Variants in ADAMTS3 observed in about 807,000 individuals in gnomAD.
The protein encoded by ADAMTS3 is A disintegrin and metalloproteinase with thrombospondin motifs 3.
A neutral mutation model predicts 129.0 loss-of-function variants in ADAMTS3; 73 were observed. The observed-to-expected ratio is 0.57, with a 90% CI of 0.47 to 0.69. The LOEUF (loss-of-function observed/expected upper bound fraction) is 0.69. Among genes scored for constraint, ADAMTS3 ranks in the 30% least tolerant of loss-of-function variants. The pLI is 0.00. For missense variants in ADAMTS3, 1,457 were observed against 1,514.5 expected (o/e 0.96, Z 0.63); for synonymous variants, 477 against 510.8 (o/e 0.93, Z 0.89).
intron 3 of ADAMTS3, among the ~76,000 whole-genome samples, chr4:72,454,433 C>A (rs1296175392): frequency 6.6e-6 from 1 of 151,644 alleles, no homozygotes; most frequent in African/African-American, 2.4e-5. Flanking sequence ...GTGTAAACTG[C>A]TGAAAAGTGG....
chr4:72,504,700 C>G (rs1403440255), intron 3 of ADAMTS3, among the ~76,000 whole-genome samples: 3 of 152,078 alleles, frequency 2.0e-5, no homozygotes, highest in Non-Finnish European at 2.9e-5. Context: ...CTCAGAAACA[C>G]CAATAATTTG....
At chr4:72,477,711 T>TA (rs1217780164) in intron 3 of ADAMTS3, among the ~76,000 whole-genome samples, 1 of 151,268 alleles carries the variant, frequency 6.6e-6, no homozygotes, top group East Asian at 1.9e-4. Context: ...CTGAAGGAAA[T>TA]AGAGACACAA....
intron 3 of ADAMTS3, among the ~76,000 whole-genome samples, chr4:72,535,578 G>T (rs1487851567): frequency 6.6e-6 from 1 of 152,044 alleles, no homozygotes; most frequent in African/African-American, 2.4e-5. Flanking sequence ...GAACCCCAAA[G>T]ACCTACTTTG....
chr4:72,457,291 T>G (rs988994070), intron 3 of ADAMTS3, among the ~76,000 whole-genome samples: 3 of 151,716 alleles, frequency 2.0e-5, no homozygotes, highest in African/African-American at 7.2e-5. Context: ...ATTTATGGGT[T>G]GAAAACCATT....
intron 4 of ADAMTS3, among the ~76,000 whole-genome samples, chr4:72,362,088 C>T (rs1720743221): frequency 6.6e-6 from 1 of 151,976 alleles, no homozygotes; most frequent in Non-Finnish European, 1.5e-5. Flanking sequence ...GTCAGTTACC[C>T]AGGCCCATGA....
chr4:72,371,947 G>A (rs1312978903), intron 4 of ADAMTS3, among the ~76,000 whole-genome samples: 1 of 151,680 alleles, frequency 6.6e-6, no homozygotes, highest in African/African-American at 2.4e-5. Flanking sequence ...CAACATGATG[G>A]AATTAACAAG....
intron 3 of ADAMTS3, among the ~76,000 whole-genome samples, chr4:72,444,032 G>A (rs1323560046): frequency 6.6e-6 from 1 of 151,654 alleles, no homozygotes; most frequent in East Asian, 2.0e-4. Context: ...TATGCTGCAG[G>A]GAACTTAAAA....
chr4:72,402,437 T>A (rs980137323), intron 4 of ADAMTS3, among the ~76,000 whole-genome samples: 1 of 152,174 alleles, frequency 6.6e-6, no homozygotes, highest in Non-Finnish European at 1.5e-5. Flanking sequence ...ACCATAGGTG[T>A]TCATCTAAAA....
At chr4:72,293,655 C>T (rs1032585465) in intron 19 of ADAMTS3, among the ~76,000 whole-genome samples, 11 of 152,008 alleles carry the variant, frequency 7.2e-5, no homozygotes, top group Non-Finnish European at 1.6e-4. Flanking sequence ...GTTGAGCCCA[C>T]GAGCCACGAC....
At chr4:72,411,796 G>A (rs929013038) in intron 4 of ADAMTS3, among the ~76,000 whole-genome samples, 3 of 151,946 alleles carry the variant, frequency 2.0e-5, no homozygotes, top group Non-Finnish European at 2.9e-5. Flanking sequence ...GAATTCTCTA[G>A]TCTTCTAGAT....
rs1474349876 is a variant in ADAMTS3, at chr4:72,456,075, T to C, written c.505-41104A>G. Among the ~76,000 whole-genome samples the C allele has an allele frequency of 8.8e-4, 44 of 49,796 alleles. 5 individuals are homozygous for C. The highest frequency in any genetic ancestry group is 3.1e-3 in the African/African-American group (42 of 13,662). 32.7% of individuals were successfully genotyped at this position (49,796 alleles called of 152,430 possible). ...ATATATATATTTTACATATAGTATATATACTATATATATTTTATATATATA... is the reference window on the plus strand; with the variant it reads ...ATATATATATTTTACATATAGTATACATACTATATATATTTTATATATATA... On this transcript the variant is annotated intron_variant, in intron 3 of 21. Transcript: ENST00000286657.
intron 3 of ADAMTS3, among the ~76,000 whole-genome samples, chr4:72,443,492 T>G (rs1031771912): frequency 9.9e-5 from 15 of 151,732 alleles, no homozygotes; most frequent in African/African-American, 3.4e-4. Flanking sequence ...CTGTATCTTA[T>G]TCAGCACATT....
intron 4 of ADAMTS3, among the ~76,000 whole-genome samples, chr4:72,356,819 C>T: frequency 6.6e-6 from 1 of 151,732 alleles, no homozygotes; most frequent in African/African-American, 2.4e-5. Flanking sequence ...TAGACCTCTA[C>T]ACTGAAAACT....
At chr4:72,425,860 G>T (rs1394938424) in intron 3 of ADAMTS3, among the ~76,000 whole-genome samples, 2 of 151,646 alleles carry the variant, frequency 1.3e-5, no homozygotes, top group African/African-American at 4.8e-5. Context: ...GTAATGGGAT[G>T]GCTGGGTCAA....
intron 4 of ADAMTS3, among the ~76,000 whole-genome samples, chr4:72,371,710 G>A (rs962255910): frequency 2.5e-4 from 38 of 151,862 alleles, no homozygotes; most frequent in African/African-American, 8.7e-4. Context: ...TCAGCACAAC[G>A]AACACTAAAG....
At chr4:72,507,863 C>A (rs911340952) in intron 3 of ADAMTS3, among the ~76,000 whole-genome samples, 2 of 152,144 alleles carry the variant, frequency 1.3e-5, no homozygotes, top group Non-Finnish European at 2.9e-5. Flanking sequence ...TATGAATATC[C>A]AGTACACAGT....
intron 4 of ADAMTS3, among the ~76,000 whole-genome samples, chr4:72,401,566 C>CAAA (rs374322807): frequency 0.017 from 621 of 36,954 alleles, 47 homozygotes; most frequent in African/African-American, 0.019. Flanking sequence ...TACTCTGTCT[C>CAAA]AAAAAAAAAA....
chr4:72,548,415 GCA>G, intron 3 of ADAMTS3, 61 bp downstream of exon 3: 2 of 1,536,644 alleles, frequency 1.3e-6, no homozygotes, highest in Non-Finnish European at 1.8e-6. Flanking sequence ...TCCAAACTAT[GCA>G]GAAGCCATGG....
intron 3 of ADAMTS3, among the ~76,000 whole-genome samples, chr4:72,511,565 A>G (rs150287190): frequency 1.3e-5 from 2 of 152,364 alleles, no homozygotes; most frequent in Admixed American, 1.3e-4. Context: ...CTACAATGCG[A>G]TATTATCTCA....
Sources: allele counts gnomAD v4.1 joint callset (sites outside exome capture counted in the v4.1 genomes callset), GRCh38; gene constraint gnomAD v4.1.1; transcripts MANE v1.5; gene names NCBI Gene and HGNC (gene_info 2026-07-23, HGNC 2026-07-21).